Variants in C1QTNF6 observed in about 807,000 individuals in gnomAD.
C1QTNF6 encodes the protein C1q and TNF related 6.
A neutral mutation model predicts 20.7 loss-of-function variants in C1QTNF6; 17 were observed. That is an observed-to-expected ratio of 0.82 (90% CI 0.56 to 1.23). The LOEUF (loss-of-function observed/expected upper bound fraction) is 1.23. C1QTNF6 is among the 50% of genes most tolerant of loss of function. The pLI, the probability that C1QTNF6 is intolerant of heterozygous loss-of-function variation, is 0.00. For missense variants in C1QTNF6, 329 were observed against 389.7 expected, an observed-to-expected ratio of 0.84 and a Z score of 1.31; for synonymous variants, 130 against 156.3, an observed-to-expected ratio of 0.83 and a Z score of 1.25.
intron 2 of C1QTNF6, 65 bp downstream of exon 2, chr22:37,185,153 A>G: frequency 2.7e-6 from 4 of 1,492,114 alleles, no homozygotes; most frequent in Non-Finnish European, 2.7e-6. Flanking sequence ...CCTGCCCTCT[A>G]CTCCCTCCAC....
intron 2 of C1QTNF6, 200 bp from the exon 3 acceptor site, chr22:37,182,935 A>G: frequency 7.0e-7 from 1 of 1,428,382 alleles, no homozygotes; most frequent in Non-Finnish European, 9.1e-7. Context: ...CACTTCACAG[A>G]GAGGGTGAGT....
At chr22:37,192,133 C>T (rs1257627172), upstream of C1QTNF6, among the ~76,000 whole-genome samples, 1 of 152,188 alleles carries the variant, frequency 6.6e-6, no homozygotes, top group African/African-American at 2.4e-5. Flanking sequence ...CTTTATCCTA[C>T]CTAACTTGAA....
intron 2 of C1QTNF6, 154 bp from the exon 3 acceptor site, chr22:37,182,889 C>T: frequency 7.0e-7 from 1 of 1,437,624 alleles, no homozygotes; most frequent in Non-Finnish European, 9.1e-7. Context: ...ATTGCCTCCC[C>T]ACATGCCTGC....
chr22:37,187,076 T>C (rs1301274646), intron 1 of C1QTNF6, among the ~76,000 whole-genome samples: 2 of 151,940 alleles, frequency 1.3e-5, no homozygotes, highest in Non-Finnish European at 2.9e-5. Context: ...AAACTAAAAA[T>C]AAATAAAGCG....
At chr22:37,197,436 T>C (rs1925205345) in intron 1 of C1QTNF6, 1 of 152,312 alleles carries the variant, frequency 6.6e-6, no homozygotes, top group Non-Finnish European at 1.5e-5. Flanking sequence ...GAACCATCAA[T>C]GGGACTTGGG....
chr22:37,183,729 G>A (rs1045093835), intron 2 of C1QTNF6, among the ~76,000 whole-genome samples: 1 of 152,228 alleles, frequency 6.6e-6, no homozygotes, highest in African/African-American at 2.4e-5. Flanking sequence ...GCTCTGCAGG[G>A]TTCTGGCTCC....
upstream of C1QTNF6, among the ~76,000 whole-genome samples, chr22:37,189,436 GC>G (rs1320077769): frequency 6.6e-6 from 1 of 152,034 alleles, no homozygotes; most frequent in Non-Finnish European, 1.5e-5. Context: ...ATTTTACCCA[GC>G]CCCTATTCAA....
At chr22:37,188,480 G>T (rs947095107), upstream of C1QTNF6, 5 of 381,956 alleles carry the variant, frequency 1.3e-5, no homozygotes, top group African/African-American at 1.0e-4. Context: ...CAAAGGCCTA[G>T]AAAGTCAGAG....
rs945259184 is a variant in C1QTNF6 at position 37,184,597 on chromosome 22, G to T, written c.289+621C>A. The stretch of plus-strand genomic sequence containing the variant: ...ACAGGGCTGCATGCTCCGACCCTCG[G>T]CCCCCGCTGGTTGCTCTCCACATGA... On this transcript the variant is annotated intron_variant, in intron 2 of 2. Transcript: ENST00000337843. This position sits in a 1 kb window ranked among gnomAD's most constrained non-coding sequence, Gnocchi z 4.0. Among the ~76,000 whole-genome samples, 5 of 151,848 alleles carry T rather than the reference G, an allele frequency of 3.3e-5. No individual in the cohort carries two copies. The highest frequency in any genetic ancestry group is 5.9e-5 in the Non-Finnish European group (4 of 67,938).
rs183194812 is a variant in C1QTNF6, at chr22:37,186,282, T to C, written c.52-827A>G. Among the ~76,000 whole-genome samples the C allele has an allele frequency of 4.4e-3, 664 of 152,332 alleles. 4 individuals carry two copies. Among genetic ancestry groups the C allele is most frequent in the South Asian group, 0.015 (72 of 4,830 alleles). ...GATAAGAGTCCCCGTTGGAGGGACG[T>C]GATGCTGAGGGTGTGCAGCTTGGCA... On this transcript the variant is annotated intron_variant, in intron 1 of 2. Transcript: ENST00000337843.
At position 37,187,917 on chromosome 22, in the gene C1QTNF6, C is replaced by T. The variant is rs76740640; in HGVS notation, c.51+246G>A. Reference sequence around the variant, plus strand: ...GAGGGAGCGGCAGGGCAACTTTTCTCGGTCCAGGCAGGCCGTGCAGAGCTG... The same window carrying T: ...GAGGGAGCGGCAGGGCAACTTTTCTTGGTCCAGGCAGGCCGTGCAGAGCTG... On this transcript the variant is annotated intron_variant, in intron 1 of 2. Transcript: ENST00000337843. 8.6e-4 allele frequency among the ~76,000 whole-genome samples: 131 copies of T among 152,184 alleles called. 2 individuals are homozygous for T. In the East Asian group the frequency reaches 0.024, roughly 28 times the overall value.
rs1569065398 is a variant in C1QTNF6 at position 37,185,347 on chromosome 22, T to TA, written c.159_160insT (p.Ser54Ter). 6.2e-7 allele frequency: 1 copy of TA among 1,613,848 alleles called. No homozygotes were observed. On this transcript the variant is annotated frameshift_variant, in exon 2 of 3. Coordinates refer to ENST00000337843, the MANE Select transcript of C1QTNF6 (RefSeq NM_031910.4). LOFTEE classifies it high-confidence loss of function. ...GAGTCACAGCACCGTTGGCAGCCGC[T>TA]GGCCACAGCTCTGTCAAAGGTGAGC...
At chr22:37,185,515 G>A in intron 1 of C1QTNF6, 60 bp from the exon 2 acceptor site, 2 of 1,480,678 alleles carry the variant, frequency 1.4e-6, no homozygotes, top group African/African-American at 1.4e-5. Flanking sequence ...ATGTGCCGAT[G>A]CCTGGGGTGG....
chr22:37,186,362 A>C (rs1217391974), intron 1 of C1QTNF6, among the ~76,000 whole-genome samples: 1 of 152,216 alleles, frequency 6.6e-6, no homozygotes, highest in Non-Finnish European at 1.5e-5. Flanking sequence ...TCAACTATCT[A>C]TGCAACCCAA....
At chr22:37,193,928 C>A (rs1247864266) in intron 2 of C1QTNF6, among the ~76,000 whole-genome samples, 1 of 152,178 alleles carries the variant, frequency 6.6e-6, no homozygotes, top group Non-Finnish European at 1.5e-5. Context: ...AGAGACAAAG[C>A]CTTAGCTACT....
chr22:37,199,166 G>C (rs1038150271), upstream of C1QTNF6, among the ~76,000 whole-genome samples: 1 of 152,246 alleles, frequency 6.6e-6, no homozygotes, highest in African/African-American at 2.4e-5. Flanking sequence ...GGGGCGTGCG[G>C]CTGGCGCCAA....
Position 37,182,242 on chromosome 22 carries a change from G to A in C1QTNF6, c.783C>T (p.Asp261=). 1.9e-6 allele frequency: 3 copies of A among 1,614,172 alleles called. No homozygotes were observed. The highest frequency in any genetic ancestry group is 1.6e-4 in the Middle Eastern group (1 of 6,062). Residue 261 remains aspartate (D), a synonymous_variant, in exon 3 of 3, where the codon GAC becomes GAT. Transcript: ENST00000337843. ...RQRENAIYSN[D]FDTYITFSGH... ...CGCTGAAGGTGATGTAGGTGTCGAA[G>A]TCGTTGCTGTAGATGGCGTTCTCGC... is the stretch of plus-strand genomic sequence containing the variant.
chr22:37,188,283 A>AGGATGGAGAGAGGAGGGGAT, upstream of C1QTNF6: 1 of 1,153,062 alleles, frequency 8.7e-7, no homozygotes. Context: ...GGCCCAGCAG[A>AGGATGGAGAGAGGAGGGGAT]GGAGGGAGAG....
At chr22:37,193,968 C>T (rs983457280) in intron 2 of C1QTNF6, among the ~76,000 whole-genome samples, 1 of 152,206 alleles carries the variant, frequency 6.6e-6, no homozygotes, top group Non-Finnish European at 1.5e-5. Context: ...TTTCTGTTTT[C>T]CTTCCTGGAA....
Sources: gnomAD v4.1 joint callset for allele counts (sites outside exome capture counted in the v4.1 genomes callset) on GRCh38, gnomAD v4.1.1 for gene constraint, Gnocchi (gnomAD v3.1) non-coding constraint, MANE v1.5 for transcripts, NCBI Gene and HGNC (gene_info 2026-07-23, HGNC 2026-07-21) for gene names.